PTMS: variants seen among roughly 807,000 people sequenced by gnomAD.
PTMS encodes parathymosin.
In PTMS, 5 loss-of-function variants were observed where a neutral mutation model predicts 18.4. That is an observed-to-expected ratio of 0.27 (90% CI 0.14 to 0.57). The LOEUF (loss-of-function observed/expected upper bound fraction) is 0.57. PTMS is among the 20% of genes least tolerant of loss of function. The pLI, the probability that PTMS is intolerant of heterozygous loss-of-function variation, is 0.92. For missense variants in PTMS, 93 were observed against 124.6 expected (o/e 0.75, Z 1.21); for synonymous variants, 53 against 47.7 (o/e 1.11, Z -0.46).
At chr12:6,769,176 A>T in intron 1 of PTMS, 1 of 245,374 alleles carries the variant, frequency 4.1e-6, no homozygotes, top group Non-Finnish European at 7.9e-6. Context: ...AAGGCCCCAG[A>T]GGTAGACAAA....
At position 6,770,547 on chromosome 12, in the gene PTMS, T is replaced by G. The variant is rs1941825608; in HGVS notation, c.*105T>G. 2.2e-5 allele frequency: 29 copies of G among 1,320,690 alleles called. No homozygotes were observed. Among genetic ancestry groups the G allele is most frequent in the Non-Finnish European group, 2.8e-5 (26 of 918,908 alleles). 81.8% of individuals were successfully genotyped at this position (1,320,690 alleles called of 1,614,324 possible). ...TCACCTGGCTCCCTGCTCTGGGCCC[T>G]GCACCAGAGCTGCCACCCTCTTCTT... On this transcript the variant is annotated 3_prime_UTR_variant, in exon 5 of 5. Transcript: ENST00000309083. This position sits in a 1 kb window ranked among gnomAD's most constrained non-coding sequence, Gnocchi z 7.3.
In PTMS at chr12:6,770,112, C is replaced by T. The variant is rs115318226; in HGVS notation, c.197-45C>T. ...CTGAGGGCGACCACGGGGGCTCTGC[C>T]AGAGCTTCCTGCCCTTCCCCAATGA... On this transcript the variant is annotated intron_variant, in intron 3 of 4. Transcript: ENST00000309083. This position sits in a 1 kb window ranked among gnomAD's most constrained non-coding sequence, Gnocchi z 7.3. 973 of 1,613,046 alleles carry T rather than the reference C, an allele frequency of 6.0e-4. 6 individuals carry two copies. In the African/African-American group the frequency reaches 0.011, roughly 18 times the overall value.
At chr12:6,767,669 G>T (rs961591674) in intron 1 of PTMS, among the ~76,000 whole-genome samples, 1 of 142,880 alleles carries the variant, frequency 7.0e-6, no homozygotes, top group African/African-American at 2.7e-5. Context: ...GAGTGAAACG[G>T]GGGGAGCCAA....
chr12:6,766,765 G>T lies in PTMS; in HGVS notation c.45+15G>T. The stretch of plus-strand genomic sequence containing the variant: ...TGAGCGCCAAGGTACGGGCGGGGGC[G>T]GCGGCGGCCCGGACCTCGCGCAGCC... On this transcript the variant is annotated intron_variant, in intron 1 of 4. Transcript: ENST00000309083. 1 of 1,067,712 alleles carries T rather than the reference G, an allele frequency of 9.4e-7. No individual in the cohort carries two copies. The highest frequency in any genetic ancestry group is 3.9e-5 in the South Asian group (1 of 25,462). 66.1% of individuals were successfully genotyped at this position (1,067,712 alleles called of 1,614,324 possible). A position where few individuals can be genotyped will look rare whatever the true frequency, so the allele number is the denominator to read the frequency against.
chr12:6,770,361 T>G lies in PTMS; in HGVS notation c.259-31T>G. ...CAGGGGGAGGTCTCCCCTCCCATTT[T>G]ACAGCTCCCCCATTCTCTCCCTCTC... On this transcript the variant is annotated intron_variant, in intron 4 of 4. Coordinates refer to ENST00000309083, the MANE Select transcript of PTMS (RefSeq NM_002824.6). The surrounding 1 kb of genome is among the most constrained non-coding windows in gnomAD (Gnocchi z 7.3). 6.2e-7 allele frequency: 1 copy of G among 1,613,352 alleles called. No homozygotes were observed. Among genetic ancestry groups the G allele is most frequent in the Non-Finnish European group, 8.5e-7 (1 of 1,179,470 alleles).
At chr12:6,767,367 G>A (rs1941780601) in intron 1 of PTMS, 1 of 152,066 alleles carries the variant, frequency 6.6e-6, no homozygotes. Context: ...CTAAAAATTA[G>A]AAGCGGGGCA....
intron 2 of PTMS, 44 bp downstream of exon 2, chr12:6,769,718 T>C (rs757188367): frequency 1.2e-6 from 2 of 1,608,696 alleles, no homozygotes; most frequent in Non-Finnish European, 1.7e-6. Context: ...CCTACCATCT[T>C]CCCTCCCAAT....
Position 6,770,103 on chromosome 12 carries a change from G to A in PTMS, c.197-54G>A. 1 of 1,612,548 alleles carries A rather than the reference G, an allele frequency of 6.2e-7. No homozygotes were observed. The highest frequency in any genetic ancestry group is 8.5e-7 in the Non-Finnish European group (1 of 1,179,396). ...GAAGCAGGGCTGAGGGCGACCACGG[G>A]GGCTCTGCCAGAGCTTCCTGCCCTT... On this transcript the variant is annotated intron_variant, in intron 3 of 4. Transcript: ENST00000309083. The surrounding 1 kb of genome is among the most constrained non-coding windows in gnomAD (Gnocchi z 7.3).
At chr12:6,767,398 C>T (rs1234637261) in intron 1 of PTMS, 3 of 152,172 alleles carry the variant, frequency 2.0e-5, no homozygotes, top group Non-Finnish European at 4.4e-5. Context: ...TCGAAAAAGC[C>T]GAGGCTGGGC....
At position 6,766,721 on chromosome 12, in the gene PTMS, G is replaced by A; in HGVS notation, c.16G>A (p.Val6Met). MSEKSVEAAAELSAKD... is the reference protein window; with the variant it reads MSEKSMEAAAELSAKD... Reference sequence around the variant, plus strand: ...CCCCGGCACCATGTCGGAGAAAAGCGTGGAGGCAGCGGCCGAGTTGAGCGC... The same window carrying A: ...CCCCGGCACCATGTCGGAGAAAAGCATGGAGGCAGCGGCCGAGTTGAGCGC... The change falls in exon 1 of 5, where the codon GTG (valine) becomes ATG (methionine). Residue 6 changes from valine to methionine, a missense_variant. By Grantham distance (21) the Val-to-Met change is conservative (BLOSUM62 1). Coordinates refer to ENST00000309083, the MANE Select transcript of PTMS (RefSeq NM_002824.6). The A allele has an allele frequency of 9.0e-7, 1 of 1,115,020 alleles. No individual in the cohort carries two copies. The highest frequency in any genetic ancestry group is 1.1e-6 in the Non-Finnish European group (1 of 913,082). 69.1% of individuals were successfully genotyped at this position (1,115,020 alleles called of 1,614,324 possible).
rs778039565 is a variant in PTMS at position 6,770,369 on chromosome 12, C to G, written c.259-23C>G. ...GGTCTCCCCTCCCATTTTACAGCTC[C>G]CCCATTCTCTCCCTCTCCACAGGAT... On this transcript the variant is annotated intron_variant, in intron 4 of 4. Coordinates refer to ENST00000309083, the MANE Select transcript of PTMS (RefSeq NM_002824.6). This position sits in a 1 kb window ranked among gnomAD's most constrained non-coding sequence, Gnocchi z 7.3. 1 of 1,613,750 alleles carries G rather than the reference C, an allele frequency of 6.2e-7. No homozygotes were observed. The highest frequency in any genetic ancestry group is 1.1e-5 in the South Asian group (1 of 91,064).
At chr12:6,769,503 C>T (rs73053705) in intron 1 of PTMS, 100 bp from the exon 2 acceptor site, 86 of 1,316,256 alleles carry the variant, frequency 6.5e-5, no homozygotes, top group Admixed American at 8.5e-5. Context: ...ATTCAGTTCA[C>T]ACACCTCTAA....
intron 2 of PTMS, 43 bp from the exon 3 acceptor site, chr12:6,769,878 C>A (rs372087097): frequency 1.9e-6 from 3 of 1,585,810 alleles, no homozygotes; most frequent in Non-Finnish European, 2.6e-6. Context: ...GTGGGCAAGG[C>A]ATGCAGCCAG....
At chr12:6,769,521 A>T in intron 1 of PTMS, 82 bp from the exon 2 acceptor site, 2 of 1,437,924 alleles carry the variant, frequency 1.4e-6, no homozygotes, top group South Asian at 1.1e-5. Flanking sequence ...TAAGCTCACT[A>T]CAGAGGGAGA....
In PTMS at chr12:6,767,604, G is replaced by GGGGGGC. The variant is rs1555110942; in HGVS notation, c.45+859_45+860insCGGGGG. ...TGTGTGTGTATGTGTATGGCGGGGG[G>GGGGGGC]GGGGGGCGCGGTGGTTGCTGAGGGG... is the stretch of plus-strand genomic sequence containing the variant. On this transcript the variant is annotated intron_variant, in intron 1 of 4. Transcript: ENST00000309083. 6.5e-5 allele frequency: 9 copies of GGGGGGC among 138,786 alleles called. 1 individual carries two copies. The highest frequency in any genetic ancestry group is 2.5e-4 in the East Asian group (1 of 4,020). 8.6% of individuals were successfully genotyped at this position (138,786 alleles called of 1,614,324 possible).
At position 6,766,759 on chromosome 12, in the gene PTMS, G is replaced by C. The variant is rs1171543643; in HGVS notation, c.45+9G>C. 5 of 1,071,162 alleles carry C rather than the reference G, an allele frequency of 4.7e-6. No individual in the cohort carries two copies. The highest frequency in any genetic ancestry group is 5.4e-5 in the Admixed American group (1 of 18,586). The allele number at this position is 1,071,162 out of a possible 1,614,324, so 66.4% of individuals were successfully genotyped here. On this transcript the variant is annotated intron_variant, in intron 1 of 4. Coordinates refer to ENST00000309083, the MANE Select transcript of PTMS (RefSeq NM_002824.6). Reference sequence around the variant, plus strand: ...CCGAGTTGAGCGCCAAGGTACGGGCGGGGGCGGCGGCGGCCCGGACCTCGC... The same window carrying C: ...CCGAGTTGAGCGCCAAGGTACGGGCCGGGGCGGCGGCGGCCCGGACCTCGC...
At position 6,769,951 on chromosome 12, in the gene PTMS, G is replaced by A. The variant is rs780770012; in HGVS notation, c.148G>A (p.Glu50Lys). ...EEENGAEEEE[E>K]ETAEDGEEED... Reference sequence around the variant, plus strand: ...GGAGAACGGGGCTGAGGAGGAAGAAGAAGAAACTGCCGAGGATGGAGAGGA... The same window carrying A: ...GGAGAACGGGGCTGAGGAGGAAGAAAAAGAAACTGCCGAGGATGGAGAGGA... Residue 50 changes from glutamate to lysine, a missense_variant, in exon 3 of 5, where the codon GAA becomes AAA. Coordinates refer to ENST00000309083, the MANE Select transcript of PTMS (RefSeq NM_002824.6). 1.0e-5 allele frequency: 16 copies of A among 1,554,700 alleles called. No individual in the cohort carries two copies. Among genetic ancestry groups the A allele is most frequent in the Non-Finnish European group, 1.4e-5 (16 of 1,148,462 alleles).
intron 1 of PTMS, chr12:6,767,171 A>G (rs571378181): frequency 6.6e-6 from 1 of 151,954 alleles, no homozygotes; most frequent in Admixed American, 6.5e-5. Context: ...GAGATCCTCA[A>G]GTGTAAACAG....
At chr12:6,769,870 G>A (rs775067851) in intron 2 of PTMS, 51 bp from the exon 3 acceptor site, 1 of 1,593,410 alleles carries the variant, frequency 6.3e-7, no homozygotes, top group South Asian at 1.1e-5. Context: ...TGGTGATGGT[G>A]GGCAAGGCAT....
Sources: gnomAD v4.1 joint callset for allele counts (sites outside exome capture counted in the v4.1 genomes callset) on GRCh38, gnomAD v4.1.1 for gene constraint, Gnocchi (gnomAD v3.1) non-coding constraint, MANE v1.5 for transcripts, NCBI Gene and HGNC (gene_info 2026-07-23, HGNC 2026-07-21) for gene names.